PKD1L1: variants seen among roughly 807,000 people sequenced by gnomAD.
The protein encoded by PKD1L1 is polycystin 1 like 1, transient receptor potential channel interacting.
PKD1L1 carries 236 observed loss-of-function variants against 323.4 expected under a neutral mutation model. That is an observed-to-expected ratio of 0.73 (90% CI 0.66 to 0.81). The LOEUF (loss-of-function observed/expected upper bound fraction) is 0.81. PKD1L1 is among the 40% of genes least tolerant of loss of function. The pLI is 0.00. For synonymous variants in PKD1L1, 1,344 were observed against 1,335.0 expected, an observed-to-expected ratio of 1.01 and a Z score of -0.15; for missense variants, 3,320 against 3,508.0, an observed-to-expected ratio of 0.95 and a Z score of 1.35.
At chr7:47,923,643 T>G (rs541868087) in intron 7 of PKD1L1, among the ~76,000 whole-genome samples, 1 of 151,440 alleles carries the variant, frequency 6.6e-6, no homozygotes, top group Admixed American at 6.6e-5. Context: ...CTGTGCCTAC[T>G]CTGGCAAAAA....
In PKD1L1 at chr7:47,881,942, C is replaced by T; in HGVS notation, c.3409G>A (p.Gly1137Ser). 1.9e-6 allele frequency: 3 copies of T among 1,608,908 alleles called. No individual in the cohort carries two copies. Among genetic ancestry groups the T allele is most frequent in the Non-Finnish European group, 2.5e-6 (3 of 1,178,504 alleles). ...GAATAGCCTTGGAAAACTGCTCGAC[C>T]CAGCAGGGCCTTGGGCCAGTCAATC... ...LMIDWPKALL[G>S]RAVFQGYSSS... Residue 1137 changes from glycine to serine, a missense_variant, in exon 20 of 57, where the codon GGT becomes AGT. Coordinates refer to ENST00000289672, the MANE Select transcript of PKD1L1 (RefSeq NM_138295.5).
upstream of PKD1L1, chr7:47,948,498 C>G (rs534741750): frequency 3.3e-6 from 5 of 1,536,208 alleles, no homozygotes; most frequent in South Asian, 4.5e-5. Context: ...TTCCTACATC[C>G]TCTGGAAGAC....
Position 47,915,185 on chromosome 7 carries a change from C to T in PKD1L1, c.1228+247G>A, listed in dbSNP as rs143625136. On this transcript the variant is annotated intron_variant, in intron 8 of 56. Coordinates refer to ENST00000289672, the MANE Select transcript of PKD1L1 (RefSeq NM_138295.5). ...TCTAAATGATCAGTCCCCAGAGGCG[C>T]GTGGGAATGAGACAGCAGTCACAGA... Among the ~76,000 whole-genome samples, 608 of 152,302 alleles carry T rather than the reference C, an allele frequency of 4.0e-3. 8 individuals are homozygous for T. Among genetic ancestry groups the T allele is most frequent in the Non-Finnish European group, 2.9e-3 (200 of 68,022 alleles).
At chr7:47,870,173 C>A (rs1786249302) in intron 24 of PKD1L1, among the ~76,000 whole-genome samples, 1 of 116,354 alleles carries the variant, frequency 8.6e-6, no homozygotes, top group African/African-American at 3.6e-5. Flanking sequence ...CCTTAAGAAA[C>A]AACAACAACA....
At position 47,796,065 on chromosome 7, in the gene PKD1L1, T is replaced by G; in HGVS notation, c.8279A>C (p.Tyr2760Ser). The change falls in exon 55 of 57, where the codon TAT (tyrosine) becomes TCT (serine). Residue 2760 changes from tyrosine to serine, a missense_variant. Transcript: ENST00000289672. ...SFVRLKDVTA[Y>S]MWEKVLTFLR... ...AAAGGTGAGGACCTTTTCCCACATA[T>G]AAGCAGTGACATCTTTAAGTCTCAC... is the stretch of plus-strand genomic sequence containing the variant. The G allele has an allele frequency of 5.0e-6, 8 of 1,612,474 alleles. No homozygotes were observed. The highest frequency in any genetic ancestry group is 6.8e-6 in the Non-Finnish European group (8 of 1,178,908).
chr7:47,938,867 A>G (rs1787928227), intron 3 of PKD1L1, among the ~76,000 whole-genome samples: 1 of 152,198 alleles, frequency 6.6e-6, no homozygotes, highest in Non-Finnish European at 1.5e-5. Context: ...GAATCTTCAG[A>G]GGCAGGGCTT....
At chr7:47,784,713 T>TACA (rs1786769932) in intron 56 of PKD1L1, among the ~76,000 whole-genome samples, 1 of 152,192 alleles carries the variant, frequency 6.6e-6, no homozygotes, top group African/African-American at 2.4e-5. Context: ...CCTCAGGTGA[T>TACA]CCGCCCATCT....
intron 54 of PKD1L1, among the ~76,000 whole-genome samples, chr7:47,798,754 CA>C (rs150292143): frequency 7.6e-5 from 10 of 131,640 alleles, no homozygotes; most frequent in Middle Eastern, 3.8e-3. Context: ...GACTCTGTCT[CA>C]AAAAAAAAAA....
Position 47,821,054 on chromosome 7 carries a change from AAG to A in PKD1L1, c.6965+20_6965+21del, listed in dbSNP as rs1383445271. The A allele has an allele frequency of 3.8e-5, 56 of 1,460,244 alleles. No homozygotes were observed. Among genetic ancestry groups the A allele is most frequent in the Non-Finnish European group, 5.2e-5 (54 of 1,040,408 alleles). The allele number at this position is 1,460,244 out of a possible 1,614,324, so 90.5% of individuals were successfully genotyped here. ...AATAGTGCAATGGCCCCAGATCTGG[AAG>A]AGTTACCCAAACCTCCTACCTTGTA... On this transcript the variant is annotated intron_variant, in intron 46 of 56. Transcript: ENST00000289672.
chr7:47,870,548 G>A (rs1485762636), intron 24 of PKD1L1, among the ~76,000 whole-genome samples: 1 of 152,142 alleles, frequency 6.6e-6, no homozygotes, highest in Non-Finnish European at 1.5e-5. Context: ...ACAAACTACT[G>A]AAACTGACTC....
rs905164824 is a variant in PKD1L1, at chr7:47,808,257, G to C, written c.7817C>G (p.Ser2606Ter). 3 of 1,614,042 alleles carry C rather than the reference G, an allele frequency of 1.9e-6. No individual in the cohort carries two copies. The highest frequency in any genetic ancestry group is 1.7e-5 in the Admixed American group (1 of 60,008). Residue 2606 changes from serine (S) to a stop codon, truncating the protein, a stop_gained, in exon 52 of 57, where the codon TCA (serine) becomes TGA (stop). Coordinates refer to ENST00000289672, the MANE Select transcript of PKD1L1 (RefSeq NM_138295.5). LOFTEE classifies it high-confidence loss of function. ...GAGCACACCGTGTACCTGATTCCATGATGCCATAAGGGTGAGGTCCATAAA... is the reference window on the plus strand; with the variant it reads ...GAGCACACCGTGTACCTGATTCCATCATGCCATAAGGGTGAGGTCCATAAA... ...RAFMDLTLMASWNQRARWLRG... is the reference protein window; with the variant it reads ...RAFMDLTLMA
At chr7:47,799,051 TC>T (rs1184369948) in intron 54 of PKD1L1, among the ~76,000 whole-genome samples, 1 of 152,208 alleles carries the variant, frequency 6.6e-6, no homozygotes, top group Non-Finnish European at 1.5e-5. Flanking sequence ...ATGCCAGTCT[TC>T]CCCTATGGAC....
At chr7:47,848,593 G>A (rs1447445698) in intron 31 of PKD1L1, among the ~76,000 whole-genome samples, 1 of 152,168 alleles carries the variant, frequency 6.6e-6, no homozygotes. Flanking sequence ...ACCACCTGAG[G>A]TCGGGAGTTC....
chr7:47,835,135 T>C lies in PKD1L1; in HGVS notation c.6052A>G (p.Lys2018Glu), dbSNP rs773473492. ...QLLSLLFRLSKEAPGSARVEP... is the reference protein window; with the variant it reads ...QLLSLLFRLSEEAPGSARVEP... ...CCATGAGGACAAGTCGCAGGTACCT[T>C]GCTGAGCCTGAAGAGCAGGGACAAG... The change falls in exon 38 of 57, where the codon AAG (lysine) becomes GAG (glutamate). Residue 2018 changes from lysine (K) to glutamate (E), a missense_variant and splice_region_variant. By Grantham distance (56) the Lys-to-Glu change is moderately conservative. Coordinates refer to ENST00000289672, the MANE Select transcript of PKD1L1 (RefSeq NM_138295.5). 4 of 1,599,774 alleles carry C rather than the reference T, an allele frequency of 2.5e-6. No homozygotes were observed. The highest frequency in any genetic ancestry group is 1.7e-5 in the Admixed American group (1 of 57,294).
At chr7:47,805,619 T>C (rs1784760168) in intron 52 of PKD1L1, among the ~76,000 whole-genome samples, 1 of 152,190 alleles carries the variant, frequency 6.6e-6, no homozygotes. Flanking sequence ...GCAACAGAGC[T>C]GAATGGTGTG....
chr7:47,792,534 C>G, intron 56 of PKD1L1, 93 bp downstream of exon 56: 1 of 1,250,510 alleles, frequency 8.0e-7, no homozygotes, highest in Non-Finnish European at 1.1e-6. Context: ...TGCAAATGGA[C>G]CTTATAATTT....
chr7:47,890,493 G>A, intron 16 of PKD1L1, 49 bp downstream of exon 16: 2 of 1,568,800 alleles, frequency 1.3e-6, no homozygotes, highest in South Asian at 1.1e-5. Flanking sequence ...AGCACCAGGT[G>A]GGAACAAACA....
intron 34 of PKD1L1, among the ~76,000 whole-genome samples, chr7:47,842,375 T>TG (rs1223041969): frequency 6.6e-6 from 1 of 152,136 alleles, no homozygotes; most frequent in African/African-American, 2.4e-5. Context: ...AAAGTAACCA[T>TG]GGTTCCCTCG....
chr7:47,912,957 G>T (rs898809783), intron 8 of PKD1L1, among the ~76,000 whole-genome samples: 3 of 152,010 alleles, frequency 2.0e-5, no homozygotes, highest in African/African-American at 7.2e-5. Context: ...TTTCAGGGAG[G>T]CTTCTTCAGA....
Sources: gnomAD v4.1 joint callset for allele counts (sites outside exome capture counted in the v4.1 genomes callset) on GRCh38, gnomAD v4.1.1 for gene constraint, MANE v1.5 for transcripts, NCBI Gene and HGNC (gene_info 2026-07-23, HGNC 2026-07-21) for gene names.